DHX40: variants seen among roughly 807,000 people sequenced by gnomAD.
The protein encoded by DHX40 is probable ATP-dependent RNA helicase DHX40.
A neutral mutation model predicts 89.6 loss-of-function variants in DHX40; 28 were observed. That is an observed-to-expected ratio of 0.31 (90% CI 0.23 to 0.43). The LOEUF is 0.43. Among genes scored for constraint, DHX40 ranks in the 20% least tolerant of loss-of-function variants. The pLI is 1.00. For missense variants in DHX40, 457 were observed against 844.0 expected, an observed-to-expected ratio of 0.54 and a Z score of 5.68; for synonymous variants, 226 against 283.6, an observed-to-expected ratio of 0.80 and a Z score of 2.04.
chr17:59,572,411 C>T (rs1027721614), intron 3 of DHX40, among the ~76,000 whole-genome samples: 2 of 152,176 alleles, frequency 1.3e-5, no homozygotes, highest in Admixed American at 1.3e-4. Flanking sequence ...TAGTGTCTTA[C>T]TAAGTCACCC....
At chr17:59,578,072 GA>G (rs2048909899) in intron 8 of DHX40, among the ~76,000 whole-genome samples, 1 of 152,076 alleles carries the variant, frequency 6.6e-6, no homozygotes, top group Non-Finnish European at 1.5e-5. Flanking sequence ...ATTTAGTAAG[GA>G]AACACTAAGA....
intron 10 of DHX40, among the ~76,000 whole-genome samples, chr17:59,585,571 A>G (rs1280463118): frequency 6.7e-6 from 1 of 149,298 alleles, no homozygotes; most frequent in Admixed American, 6.6e-5. Context: ...AAAATACAAA[A>G]AATTAGCTAG....
chr17:59,606,205 T>A (rs1472265991), intron 17 of DHX40, among the ~76,000 whole-genome samples: 1 of 151,672 alleles, frequency 6.6e-6, no homozygotes, highest in Non-Finnish European at 1.5e-5. Context: ...CCACCACGCC[T>A]GGCTAAGTTT....
At chr17:59,567,158 C>G (rs757449418) in intron 2 of DHX40, among the ~76,000 whole-genome samples, 6 of 152,188 alleles carry the variant, frequency 3.9e-5, no homozygotes, top group Non-Finnish European at 8.8e-5. Context: ...CTTCTTGGTT[C>G]TTTCTCTAGA....
chr17:59,595,127 A>G (rs1166921818), intron 12 of DHX40, among the ~76,000 whole-genome samples: 2 of 150,856 alleles, frequency 1.3e-5, no homozygotes, highest in African/African-American at 4.9e-5. Context: ...CTTGTTGCCC[A>G]GGTTGGAGTG....
At chr17:59,606,777 G>GCCA (rs2030885523) in intron 17 of DHX40, among the ~76,000 whole-genome samples, 1 of 151,338 alleles carries the variant, frequency 6.6e-6, no homozygotes, top group Admixed American at 6.6e-5. Flanking sequence ...AGAAATCTTA[G>GCCA]CCACTAGGTG....
At position 59,582,356 on chromosome 17, in the gene DHX40, TG is replaced by T. The variant is rs549991801; in HGVS notation, c.1343+2481del. ...AATAAGGAGAGGTAGAGCCAGTGTT[TG>T]GGGTAGATGGTATAGGATTCATAGA... is the stretch of plus-strand genomic sequence containing the variant. On this transcript the variant is annotated intron_variant, in intron 10 of 17. Transcript: ENST00000251241. Among the ~76,000 whole-genome samples, 66 of 124,604 alleles carry T rather than the reference TG, an allele frequency of 5.3e-4. 18 individuals are homozygous for T. Among genetic ancestry groups the T allele is most frequent in the African/African-American group, 2.3e-3 (61 of 27,052 alleles). The allele number at this position is 124,604 out of a possible 152,430, so 81.7% of individuals were successfully genotyped here.
intron 15 of DHX40, chr17:59,604,824 T>A: frequency 3.4e-6 from 1 of 294,598 alleles, no homozygotes. Context: ...TTTTGACTTT[T>A]TAATAAAGTT....
At chr17:59,571,860 G>A (rs956825577) in intron 3 of DHX40, among the ~76,000 whole-genome samples, 6 of 151,986 alleles carry the variant, frequency 3.9e-5, no homozygotes, top group Non-Finnish European at 7.4e-5. Context: ...GTAAACCACC[G>A]CGCCCTGCTG....
chr17:59,598,475 A>C (rs1360821212), intron 12 of DHX40, among the ~76,000 whole-genome samples: 1 of 152,126 alleles, frequency 6.6e-6, no homozygotes, highest in Non-Finnish European at 1.5e-5. Context: ...TTTAAAAAGT[A>C]AATTACAAAT....
chr17:59,583,890 AT>A (rs558984654), intron 10 of DHX40, among the ~76,000 whole-genome samples: 13 of 109,770 alleles, frequency 1.2e-4, no homozygotes, highest in Admixed American at 9.2e-4. Flanking sequence ...AAAAAAAAAA[AT>A]TTTTTTTTTA....
chr17:59,604,324 T>A (rs890791970), intron 15 of DHX40: 4 of 152,190 alleles, frequency 2.6e-5, no homozygotes, highest in African/African-American at 9.7e-5. Context: ...TTTAGATTGT[T>A]TCACACTTTT....
chr17:59,595,634 CAA>C lies in DHX40; in HGVS notation c.1583-3101_1583-3100del, dbSNP rs1180604918. ...AACATCCAAAGGACTGAGCCCTGAA[CAA>C]AGAGTCAAGCTACCTTTTAAGCATT... On this transcript the variant is annotated intron_variant, in intron 12 of 17. Coordinates refer to ENST00000251241, the MANE Select transcript of DHX40 (RefSeq NM_024612.5). 6.2e-5 allele frequency among the ~76,000 whole-genome samples: 7 copies of C among 113,296 alleles called. No homozygotes were observed. In the Admixed American group the frequency reaches 6.8e-4, roughly 11 times the overall value. 74.3% of individuals were successfully genotyped at this position (113,296 alleles called of 152,430 possible).
intron 3 of DHX40, among the ~76,000 whole-genome samples, chr17:59,572,610 C>A (rs1270232682): frequency 1.3e-5 from 2 of 152,134 alleles, no homozygotes; most frequent in Admixed American, 6.5e-5. Context: ...AACTCCTGGA[C>A]TCAAGTGATC....
At chr17:59,602,451 A>G (rs2030588071) in intron 14 of DHX40, 71 bp from the exon 15 acceptor site, 1 of 1,377,980 alleles carries the variant, frequency 7.3e-7, no homozygotes, top group East Asian at 2.3e-5. Context: ...AGAAATGTGG[A>G]TTTTTCAAAA....
chr17:59,575,491 G>A lies in DHX40; in HGVS notation c.973+20G>A. 1 of 1,608,146 alleles carries A rather than the reference G, an allele frequency of 6.2e-7. No homozygotes were observed. Among genetic ancestry groups the A allele is most frequent in the Middle Eastern group, 1.7e-4 (1 of 6,016 alleles). ...CAACAGGTAATTTCTCATTAGAATA[G>A]AAAATTTGATTTTTTAAAAAAACTT... is the stretch of plus-strand genomic sequence containing the variant. On this transcript the variant is annotated intron_variant, in intron 7 of 17. Coordinates refer to ENST00000251241, the MANE Select transcript of DHX40 (RefSeq NM_024612.5).
intron 2 of DHX40, among the ~76,000 whole-genome samples, chr17:59,569,443 A>G (rs957541723): frequency 1.3e-5 from 2 of 151,614 alleles, no homozygotes; most frequent in African/African-American, 4.8e-5. Flanking sequence ...TTATGTTTCA[A>G]AATTCTTGGC....
Position 59,570,675 on chromosome 17 carries a change from T to A in DHX40, c.426+12T>A. 6.3e-7 allele frequency: 1 copy of A among 1,597,372 alleles called. No individual in the cohort carries two copies. Among genetic ancestry groups the A allele is most frequent in the East Asian group, 2.3e-5 (1 of 43,302 alleles). ...ATTGCAGTTCTAAGGTACAAAAGTC[T>A]TGTTGGTATTTGTTTCTTTTCTTTT... On this transcript the variant is annotated intron_variant, in intron 3 of 17. Transcript: ENST00000251241.
At chr17:59,570,247 A>G (rs907900194) in intron 2 of DHX40, among the ~76,000 whole-genome samples, 16 of 129,876 alleles carry the variant, frequency 1.2e-4, no homozygotes, top group African/African-American at 4.7e-4. Flanking sequence ...TAATATATAT[A>G]ATATATAAAT....
Sources: gnomAD v4.1 joint callset for allele counts (sites outside exome capture counted in the v4.1 genomes callset) on GRCh38, gnomAD v4.1.1 for gene constraint, MANE v1.5 for transcripts, NCBI Gene and HGNC (gene_info 2026-07-23, HGNC 2026-07-21) for gene names.